The following KIF3A variants were observed in gnomAD, a reference collection of about 807,000 sequenced individuals.
KIF3A encodes the protein kinesin family member 3A, also known as kinesin-like protein KIF3A.
Under a neutral mutation model 92.6 loss-of-function variants are expected in KIF3A, and 27 were observed. That is an observed-to-expected ratio of 0.29 (90% confidence interval 0.21 to 0.40). KIF3A has a LOEUF of 0.40. KIF3A is among the 10% of genes least tolerant of loss of function. KIF3A has a pLI of 1.00. For synonymous variants in KIF3A, 250 were observed against 275.4 expected (o/e 0.91, Z 0.92); for missense variants, 581 against 872.6 (o/e 0.67, Z 4.21).
chr5:132,726,015 G>C (rs929146742), intron 4 of KIF3A, 113 bp downstream of exon 4: 1 of 664,198 alleles, frequency 1.5e-6, no homozygotes, highest in Non-Finnish European at 2.6e-6. Context: ...ATATGTACGA[G>C]ATTATTTAAA....
chr5:132,727,332 T>C (rs370894664), intron 2 of KIF3A, among the ~76,000 whole-genome samples: 2 of 152,156 alleles, frequency 1.3e-5, no homozygotes, highest in African/African-American at 4.8e-5. Context: ...ATCATGATGA[T>C]GAGTATTCAG....
chr5:132,702,488 T>C, intron 14 of KIF3A, 70 bp downstream of exon 14: 1 of 873,580 alleles, frequency 1.1e-6, no homozygotes, highest in Non-Finnish European at 1.8e-6. Flanking sequence ...TATTTATAAA[T>C]TCTTAATCAA....
At chr5:132,701,264 A>C (rs1442247181) in intron 15 of KIF3A, among the ~76,000 whole-genome samples, 1 of 152,104 alleles carries the variant, frequency 6.6e-6, no homozygotes, top group African/African-American at 2.4e-5. Flanking sequence ...TTGGGAGGCC[A>C]AAACGGGCAG....
At chr5:132,689,671 G>A (rs571530141), downstream of KIF3A, 1 of 152,326 alleles carries the variant, frequency 6.6e-6, no homozygotes, top group South Asian at 2.1e-4. Context: ...AGTAACAGAC[G>A]CGTTTGTAAG....
intron 2 of KIF3A, among the ~76,000 whole-genome samples, chr5:132,727,234 C>T (rs550250985): frequency 6.6e-6 from 1 of 152,330 alleles, no homozygotes; most frequent in South Asian, 2.1e-4. Flanking sequence ...TTACCACACA[C>T]CTGAGTTTGG....
intron 4 of KIF3A, among the ~76,000 whole-genome samples, chr5:132,725,393 A>T (rs1007392996): frequency 6.6e-6 from 1 of 152,154 alleles, no homozygotes; most frequent in Non-Finnish European, 1.5e-5. Context: ...AAACACTTTC[A>T]TCTGTTAGTA....
chr5:132,715,619 ACT>A, intron 8 of KIF3A, 136 bp downstream of exon 8: 1 of 600,022 alleles, frequency 1.7e-6, no homozygotes, highest in Non-Finnish European at 2.8e-6. Context: ...GTACCAAGTC[ACT>A]TTCTAGAAAT....
rs115553403 is a variant in KIF3A, at chr5:132,699,476, G to A, written c.2008-181C>T. On this transcript the variant is annotated intron_variant, in intron 17 of 18. Transcript: ENST00000403231. ...TAAAATGTACTTAATAAAGGTTGGT[G>A]AGTAAGAAGCCCTGACACACTATAA... 3.5e-3 allele frequency: 2,304 copies of A among 660,764 alleles called. 8 individuals carry two copies. The highest frequency in any genetic ancestry group is 5.0e-3 in the Non-Finnish European group (1,877 of 371,844). 40.9% of individuals were successfully genotyped at this position (660,764 alleles called of 1,614,324 possible).
intron 2 of KIF3A, among the ~76,000 whole-genome samples, chr5:132,729,107 G>T (rs1433403746): frequency 1.3e-5 from 2 of 152,132 alleles, no homozygotes; most frequent in African/African-American, 4.8e-5. Flanking sequence ...GAACGATACA[G>T]CGGACTTTGG....
chr5:132,700,795 AAAAGTCTCAAAACATTATATACTG>A, intron 15 of KIF3A, 95 bp from the exon 16 acceptor site: 2 of 741,290 alleles, frequency 2.7e-6, no homozygotes, highest in Non-Finnish European at 4.6e-6. Flanking sequence ...ATTGAGTAAT[AAAAGTCTCAAAACATTATATACTG>A]ATATAACCTT....
intron 16 of KIF3A, 35 bp downstream of exon 16, chr5:132,700,612 T>C: frequency 7.1e-7 from 1 of 1,416,502 alleles, no homozygotes; most frequent in Non-Finnish European, 1.0e-6. Flanking sequence ...AAGTACTCTT[T>C]AATTATTACG....
chr5:132,726,942 T>C (rs1581097450), intron 2 of KIF3A, among the ~76,000 whole-genome samples: 1 of 152,212 alleles, frequency 6.6e-6, no homozygotes, highest in African/African-American at 2.4e-5. Context: ...ACCTAGAGAC[T>C]GTCTCCTCAA....
Position 132,726,427 on chromosome 5 carries a change from C to T in KIF3A, c.352G>A (p.Glu118Lys). 2 of 1,613,140 alleles carry T rather than the reference C, an allele frequency of 1.2e-6. No individual in the cohort carries two copies. The highest frequency in any genetic ancestry group is 1.7e-6 in the Non-Finnish European group (2 of 1,179,150). Residue 118 changes from glutamate to lysine, a missense_variant, in exon 3 of 19, where the codon GAA becomes AAA. Physicochemically the swap from Glu to Lys is moderately conservative, Grantham distance 56. Transcript: ENST00000403231. The part of the protein sequence containing the change: ...FTMEGVRAIP[E>K]LRGIIPNSFA... ...GAATTGGGAATTATTCCTCTAAGTT[C>T]AGGAATAGCTCGAACACCTTCCATG...
intron 2 of KIF3A, among the ~76,000 whole-genome samples, chr5:132,730,157 G>A (rs1033780077): frequency 6.6e-6 from 1 of 152,214 alleles, no homozygotes; most frequent in Non-Finnish European, 1.5e-5. Flanking sequence ...TGAAAGACAA[G>A]CTACCAAACC....
At chr5:132,703,683 T>C in intron 11 of KIF3A, 64 bp from the exon 12 acceptor site, 1 of 1,210,966 alleles carries the variant, frequency 8.3e-7, no homozygotes, top group Non-Finnish European at 1.2e-6. Flanking sequence ...TTATATAAAT[T>C]ACCTCCTTCA....
intron 2 of KIF3A, among the ~76,000 whole-genome samples, chr5:132,732,583 T>C (rs1754269314): frequency 6.6e-6 from 1 of 152,146 alleles, no homozygotes; most frequent in Admixed American, 6.5e-5. Context: ...AAAACCAGCC[T>C]GGCCAATATG....
intron 10 of KIF3A, among the ~76,000 whole-genome samples, chr5:132,707,910 C>T (rs1753272390): frequency 1.3e-5 from 2 of 152,128 alleles, no homozygotes; most frequent in South Asian, 4.1e-4. Flanking sequence ...TTAACAAAAG[C>T]CTTTAAGTTT....
intron 2 of KIF3A, among the ~76,000 whole-genome samples, chr5:132,727,159 T>C (rs1754060125): frequency 6.6e-6 from 1 of 152,192 alleles, no homozygotes; most frequent in Admixed American, 6.5e-5. Context: ...AATACAATTA[T>C]TACAGGTAAC....
At chr5:132,721,795 G>T (rs1753833771) in intron 4 of KIF3A, among the ~76,000 whole-genome samples, 1 of 152,080 alleles carries the variant, frequency 6.6e-6, no homozygotes, top group Admixed American at 6.6e-5. Context: ...GAGGGTCCAT[G>T]GTGGCACTGA....
Sources: gnomAD v4.1 joint callset for allele counts (sites outside exome capture counted in the v4.1 genomes callset) on GRCh38, gnomAD v4.1.1 for gene constraint, MANE v1.5 for transcripts, NCBI Gene and HGNC (gene_info 2026-07-23, HGNC 2026-07-21) for gene names.